N4BP2L2: variants seen among roughly 807,000 people sequenced by gnomAD.
The protein encoded by N4BP2L2 is NEDD4-binding protein 2-like 2.
A neutral mutation model predicts 56.2 loss-of-function variants in N4BP2L2; 50 were observed. That is an observed-to-expected ratio of 0.89 (90% CI 0.71 to 1.13). The LOEUF (loss-of-function observed/expected upper bound fraction) is 1.13, where lower values mean the gene tolerates loss of function less well. N4BP2L2 is among the 50% of genes most tolerant of loss of function. The pLI is 0.00. For synonymous variants in N4BP2L2, 203 were observed against 223.6 expected (o/e 0.91, Z 0.82); for missense variants, 689 against 693.8 (o/e 0.99, Z 0.08).
chr13:32,532,938 G>C (rs997867978), intron 2 of N4BP2L2, among the ~76,000 whole-genome samples: 1 of 150,004 alleles, frequency 6.7e-6, no homozygotes, highest in Non-Finnish European at 1.5e-5. Context: ...TGCCCAAACT[G>C]ATCTCACACT....
At chr13:32,441,534 A>C (rs1157829398) in intron 7 of N4BP2L2, among the ~76,000 whole-genome samples, 1 of 151,326 alleles carries the variant, frequency 6.6e-6, no homozygotes, top group African/African-American at 2.4e-5. Flanking sequence ...TAATACAAAA[A>C]TTAGCTGGGT....
At chr13:32,464,829 A>C (rs532949441) in intron 6 of N4BP2L2, among the ~76,000 whole-genome samples, 5 of 152,376 alleles carry the variant, frequency 3.3e-5, no homozygotes, top group South Asian at 4.1e-4. Context: ...GGTCCAAAAT[A>C]CATGAAATAA....
chr13:32,497,244 G>A (rs531483194), intron 6 of N4BP2L2, among the ~76,000 whole-genome samples: 18 of 152,140 alleles, frequency 1.2e-4, no homozygotes, highest in Non-Finnish European at 1.9e-4. Flanking sequence ...GCTTTTTAAT[G>A]GGGGAAAACA....
At chr13:32,437,709 C>T (rs1301151409) in intron 8 of N4BP2L2, among the ~76,000 whole-genome samples, 1 of 152,194 alleles carries the variant, frequency 6.6e-6, no homozygotes, top group Non-Finnish European at 1.5e-5. Flanking sequence ...AGCTGTTACT[C>T]TATCATAATG....
intron 6 of N4BP2L2, among the ~76,000 whole-genome samples, chr13:32,484,326 C>CAA (rs1345802397): frequency 6.6e-6 from 1 of 151,690 alleles, no homozygotes; most frequent in Non-Finnish European, 1.5e-5. Context: ...GACCCTGACT[C>CAA]AAAAAATAAA....
At chr13:32,455,656 G>A (rs1431121156) in intron 6 of N4BP2L2, among the ~76,000 whole-genome samples, 1 of 152,154 alleles carries the variant, frequency 6.6e-6, no homozygotes, top group African/African-American at 2.4e-5. Flanking sequence ...ACTACAGCTG[G>A]TGCCTCAGCA....
intron 2 of N4BP2L2, among the ~76,000 whole-genome samples, chr13:32,533,466 T>C (rs145359304): frequency 5.3e-5 from 8 of 151,934 alleles, no homozygotes; most frequent in African/African-American, 1.4e-4. Flanking sequence ...ATATGAATTC[T>C]ATCCAACTGC....
At chr13:32,440,913 T>G (rs1237935951) in intron 7 of N4BP2L2, among the ~76,000 whole-genome samples, 2 of 148,812 alleles carry the variant, frequency 1.3e-5, no homozygotes, top group Admixed American at 6.7e-5. Context: ...TGCAGTGGTG[T>G]GATCTCGGCT....
chr13:32,484,880 A>T (rs1304015205), intron 6 of N4BP2L2, among the ~76,000 whole-genome samples: 1 of 152,238 alleles, frequency 6.6e-6, no homozygotes, highest in African/African-American at 2.4e-5. Context: ...TTCTACTTAG[A>T]TAACCTCATA....
intron 6 of N4BP2L2, among the ~76,000 whole-genome samples, chr13:32,474,505 C>A (rs1344104992): frequency 6.7e-6 from 1 of 149,410 alleles, no homozygotes; most frequent in Non-Finnish European, 1.5e-5. Context: ...GTCTGGCCGA[C>A]ACGGTGAAAC....
At chr13:32,521,327 A>G (rs1419264259) in intron 5 of N4BP2L2, 46 bp downstream of exon 5, 12 of 1,374,060 alleles carry the variant, frequency 8.7e-6, no homozygotes, top group Non-Finnish European at 1.2e-5. Context: ...AATTCACAAA[A>G]GAAAGAAGAA....
At chr13:32,449,103 T>C (rs1004815648) in intron 6 of N4BP2L2, among the ~76,000 whole-genome samples, 4 of 152,226 alleles carry the variant, frequency 2.6e-5, no homozygotes. Context: ...CTCTGTACAA[T>C]GACTGATATT....
At chr13:32,457,004 T>G (rs2079087283) in intron 6 of N4BP2L2, among the ~76,000 whole-genome samples, 2 of 152,064 alleles carry the variant, frequency 1.3e-5, no homozygotes, top group Admixed American at 6.6e-5. Context: ...CCCAACATGG[T>G]GGCTCATGCC....
chr13:32,443,180 G>A (rs1308660087), exon 7 of N4BP2L2: 4 of 1,613,918 alleles, frequency 2.5e-6, no homozygotes, highest in Non-Finnish European at 3.4e-6. Flanking sequence ...ATAGTTTCAG[G>A]TGGAGGTGAA....
intron 6 of N4BP2L2, among the ~76,000 whole-genome samples, chr13:32,481,042 C>T (rs1280318136): frequency 2.2e-5 from 3 of 135,730 alleles, no homozygotes. Flanking sequence ...TCACCTGAAC[C>T]GAGGAGGCAA....
chr13:32,434,675 C>G (rs1217266919), intron 9 of N4BP2L2, among the ~76,000 whole-genome samples: 1 of 152,154 alleles, frequency 6.6e-6, no homozygotes, highest in Non-Finnish European at 1.5e-5. Flanking sequence ...CAACCAGATT[C>G]TCCTGCTATT....
intron 6 of N4BP2L2, among the ~76,000 whole-genome samples, chr13:32,466,383 A>G (rs1402842280): frequency 6.6e-6 from 1 of 152,166 alleles, no homozygotes; most frequent in African/African-American, 2.4e-5. Flanking sequence ...CCTAGCTAAT[A>G]TGGTGAAAAC....
At chr13:32,450,841 C>A (rs1286442980) in intron 6 of N4BP2L2, among the ~76,000 whole-genome samples, 4 of 146,646 alleles carry the variant, frequency 2.7e-5, no homozygotes, top group African/African-American at 1.0e-4. Context: ...GTTTCCCTTC[C>A]TTCCCTCCCT....
At chr13:32,526,220 A>C (rs2052717404) in intron 3 of N4BP2L2, among the ~76,000 whole-genome samples, 2 of 152,206 alleles carry the variant, frequency 1.3e-5, no homozygotes, top group African/African-American at 2.4e-5. Context: ...TATGAGAGTT[A>C]AAAGAAGGAA....
Sources: gnomAD v4.1 joint callset for allele counts (sites outside exome capture counted in the v4.1 genomes callset) on GRCh38, gnomAD v4.1.1 for gene constraint, MANE v1.5 for transcripts, NCBI Gene and HGNC (gene_info 2026-07-23, HGNC 2026-07-21) for gene names.